The following RAPGEF1 variants were observed in gnomAD, a reference collection of about 807,000 sequenced individuals.
The protein encoded by RAPGEF1 is Rap guanine nucleotide exchange factor 1, also known as CRK SH3-binding GNRP.
Under a neutral mutation model 143.3 loss-of-function variants are expected in RAPGEF1, and 33 were observed. That is an observed-to-expected ratio of 0.23 (90% CI 0.17 to 0.31). The LOEUF is 0.31. Ranked by LOEUF, RAPGEF1 falls within the 10% of genes least tolerant of loss-of-function variation. RAPGEF1 has a pLI of 1.00. For missense variants in RAPGEF1, 1,199 were observed against 1,645.4 expected, an observed-to-expected ratio of 0.73 and a Z score of 4.69; for synonymous variants, 629 against 676.5, an observed-to-expected ratio of 0.93 and a Z score of 1.09.
chr9:131,727,800 T>C (rs987708171), intron 1 of RAPGEF1, among the ~76,000 whole-genome samples: 1 of 75,294 alleles, frequency 1.3e-5, no homozygotes, highest in Non-Finnish European at 2.9e-5. Context: ...TAGAGAAAGC[T>C]CCTCATGAAC....
intron 1 of RAPGEF1, chr9:131,737,254 T>C (rs1837477687): frequency 2.3e-6 from 3 of 1,305,096 alleles, no homozygotes; most frequent in Non-Finnish European, 3.3e-6. Context: ...CTCCCACACT[T>C]TCCGCAGCTC....
intron 16 of RAPGEF1, among the ~76,000 whole-genome samples, chr9:131,597,607 C>T (rs950167558): frequency 7.9e-5 from 12 of 152,224 alleles, no homozygotes; most frequent in Admixed American, 2.6e-4. Context: ...AGAGGCAGGG[C>T]ACTCTCTGTC....
intron 4 of RAPGEF1, among the ~76,000 whole-genome samples, chr9:131,639,598 T>C (rs977044687): frequency 1.3e-5 from 2 of 152,150 alleles, no homozygotes; most frequent in Admixed American, 1.3e-4. Flanking sequence ...TTTAAATAAC[T>C]AAAGATAATT....
rs146252730 is a variant in RAPGEF1, at chr9:131,608,179, G to A, written c.2062-2991C>T. Among the ~76,000 whole-genome samples the A allele has an allele frequency of 5.0e-3, 768 of 152,324 alleles. 5 individuals are homozygous for A. Among genetic ancestry groups the A allele is most frequent in the African/African-American group, 6.8e-3 (282 of 41,572 alleles). On this transcript the variant is annotated intron_variant, in intron 12 of 26. Coordinates refer to ENST00000683357, the MANE Select transcript of RAPGEF1 (RefSeq NM_001377935.1). ...CCCCATAAGGTTTCTGCGACGTTCC[G>A]CGAGACGCAGAGCGCTGCGTGCAAG...
At chr9:131,712,970 A>G (rs926318743) in intron 1 of RAPGEF1, among the ~76,000 whole-genome samples, 2 of 152,182 alleles carry the variant, frequency 1.3e-5, no homozygotes, top group Non-Finnish European at 2.9e-5. Flanking sequence ...TCCCAGACTA[A>G]GCAAACAAAC....
At chr9:131,705,284 G>A (rs1212307684) in intron 1 of RAPGEF1, among the ~76,000 whole-genome samples, 2 of 152,162 alleles carry the variant, frequency 1.3e-5, no homozygotes, top group African/African-American at 2.4e-5. Context: ...GCCAGGCACC[G>A]TGCAAGTGCT....
chr9:131,702,826 T>C (rs546939296), intron 1 of RAPGEF1, among the ~76,000 whole-genome samples: 1 of 152,326 alleles, frequency 6.6e-6, no homozygotes, highest in East Asian at 1.9e-4. Flanking sequence ...ATTTCATAAG[T>C]TATGGAACAG....
rs1219927848 is a variant in RAPGEF1 at position 131,580,391 on chromosome 9, C to T, written c.3513G>A (p.Leu1171=). The change falls in exon 26 of 27, where the codon CTG becomes CTA. Residue 1171 remains leucine (L), a splice_region_variant and synonymous_variant. Transcript: ENST00000683357. ...AGGTCAGGTCCTGCAGGATCAGCCC[C>T]CTGGGAGGACGGGTTAGGCAGCCTG... The part of the protein sequence containing the change: ...SEVEPPCIPY[L]GLILQDLTFV... 6.2e-7 allele frequency: 1 copy of T among 1,612,990 alleles called. No individual in the cohort carries two copies. The highest frequency in any genetic ancestry group is 8.5e-7 in the Non-Finnish European group (1 of 1,179,406).
At chr9:131,669,454 C>T (rs1175851614) in intron 1 of RAPGEF1, among the ~76,000 whole-genome samples, 3 of 152,138 alleles carry the variant, frequency 2.0e-5, no homozygotes, top group Non-Finnish European at 4.4e-5. Flanking sequence ...TGCGTGGCAT[C>T]CTCACTCATC....
Position 131,589,811 on chromosome 9 carries a change from T to A in RAPGEF1, c.2867+75A>T, listed in dbSNP as rs991951926. 4.8e-5 allele frequency: 67 copies of A among 1,396,290 alleles called. 1 individual carries two copies. In the South Asian group the frequency reaches 7.3e-4, roughly 15 times the overall value. The allele number at this position is 1,396,290 out of a possible 1,614,324, so 86.5% of individuals were successfully genotyped here. On this transcript the variant is annotated intron_variant, in intron 19 of 26. Transcript: ENST00000683357. ...AAGAGCCAGCTCTGCCCAGAGCCGA[T>A]GGGCAGGAGAAGCAGGTGGAATGGA...
intron 1 of RAPGEF1, 143 bp downstream of exon 1, chr9:131,739,627 G>A: frequency 1.9e-6 from 1 of 515,050 alleles, no homozygotes; most frequent in Non-Finnish European, 2.5e-6. Context: ...GCTGCCAGGC[G>A]CCCCGGCGAG....
At chr9:131,658,008 G>A (rs7034824) in intron 1 of RAPGEF1, among the ~76,000 whole-genome samples, 3,705 of 152,290 alleles carry the variant, frequency 0.024, 155 homozygotes, top group African/African-American at 0.084. Flanking sequence ...GAGAAATTCC[G>A]TAGATTCCAT....
chr9:131,622,427 A>G (rs1187503231), intron 10 of RAPGEF1, among the ~76,000 whole-genome samples: 4 of 152,216 alleles, frequency 2.6e-5, no homozygotes, highest in Non-Finnish European at 5.9e-5. Context: ...ATAAGCACAA[A>G]GCCAGAGGCT....
At chr9:131,697,673 T>A (rs868226042) in intron 1 of RAPGEF1, among the ~76,000 whole-genome samples, 1 of 152,240 alleles carries the variant, frequency 6.6e-6, no homozygotes, top group Non-Finnish European at 1.5e-5. Context: ...AAGTGTCCAC[T>A]CTTCCCAGAT....
intron 1 of RAPGEF1, among the ~76,000 whole-genome samples, chr9:131,677,370 AAAAG>A (rs533076073): frequency 3.3e-5 from 5 of 152,248 alleles, no homozygotes; most frequent in African/African-American, 1.2e-4. Flanking sequence ...TGCTGATGAT[AAAAG>A]AAAGAGATTA....
At position 131,630,315 on chromosome 9, in the gene RAPGEF1, T is replaced by C; in HGVS notation, c.661A>G (p.Arg221Gly). Residue 221 changes from arginine to glycine, a missense_variant, in exon 6 of 27, where the codon AGG (arginine) becomes GGG (glycine). Around this residue, in one of 6 missense-constraint regions of RAPGEF1, gnomAD observed 613 missense variants for 710.9 expected, o/e 0.86. Coordinates refer to ENST00000683357, the MANE Select transcript of RAPGEF1 (RefSeq NM_001377935.1). ...AVLDGVKELVRLTIEKQGRPS... is the reference protein window; with the variant it reads ...AVLDGVKELVGLTIEKQGRPS... ...CGTCCCTGCTTCTCGATGGTGAGCC[T>C]GACCAGCTCCTACCCCCACAAGAAA... 1 of 1,613,700 alleles carries C rather than the reference T, an allele frequency of 6.2e-7. No individual in the cohort carries two copies. Among genetic ancestry groups the C allele is most frequent in the Non-Finnish European group, 8.5e-7 (1 of 1,179,732 alleles).
In RAPGEF1 at chr9:131,579,518, T is replaced by G; in HGVS notation, c.3771A>C (p.Thr1257=). 6.2e-7 allele frequency: 1 copy of G among 1,613,984 alleles called. No individual in the cohort carries two copies. Among genetic ancestry groups the G allele is most frequent in the Non-Finnish European group, 8.5e-7 (1 of 1,179,860 alleles). The change falls in exon 27 of 27, where the codon ACA becomes ACC. Residue 1257 remains threonine (T), a synonymous_variant. Coordinates refer to ENST00000683357, the MANE Select transcript of RAPGEF1 (RefSeq NM_001377935.1). ...GCTCCTAGGTCTTCTCTTCCCGGTC[T>G]GTTTTTCTCCTTGTTATGTTCCTGG... The part of the protein sequence containing the change: ...IKPRNITRRK[T]DREEKT
intron 11 of RAPGEF1, among the ~76,000 whole-genome samples, chr9:131,620,400 C>T (rs901370124): frequency 2.6e-5 from 4 of 152,124 alleles, no homozygotes; most frequent in African/African-American, 9.7e-5. Context: ...ACCACCACTC[C>T]TGGCTCTCGG....
chr9:131,592,069 A>C, intron 18 of RAPGEF1, 30 bp downstream of exon 18: 3 of 1,523,332 alleles, frequency 2.0e-6, no homozygotes, highest in Non-Finnish European at 2.7e-6. Flanking sequence ...CCCATGGTGC[A>C]GGGGCCCTGG....
Sources: gnomAD v4.1 joint callset for allele counts (sites outside exome capture counted in the v4.1 genomes callset) on GRCh38, gnomAD v4.1.1 for gene constraint, gnomAD v4.1.1 regional missense constraint, MANE v1.5 for transcripts, NCBI Gene and HGNC (gene_info 2026-07-23, HGNC 2026-07-21) for gene names.